The following RAPH1 variants were observed in gnomAD, a reference collection of about 807,000 sequenced individuals.
The protein encoded by RAPH1 is ras-associated and pleckstrin homology domains-containing protein 1.
In RAPH1, 18 loss-of-function variants were observed where a neutral mutation model predicts 88.1. The observed-to-expected ratio is 0.20, with a 90% CI of 0.14 to 0.30. The LOEUF (loss-of-function observed/expected upper bound fraction) is 0.30. Ranked by LOEUF, RAPH1 falls within the 10% of genes least tolerant of loss-of-function variation. The pLI is 1.00. For missense variants in RAPH1, 1,448 were observed against 1,543.2 expected (o/e 0.94, Z 1.03); for synonymous variants, 587 against 559.0 (o/e 1.05, Z -0.71).
At chr2:203,493,347 C>G (rs559674762) in intron 2 of RAPH1, among the ~76,000 whole-genome samples, 1 of 152,284 alleles carries the variant, frequency 6.6e-6, no homozygotes, top group East Asian at 1.9e-4. Flanking sequence ...GGACCAATAT[C>G]TACCTGCCTT....
At chr2:203,506,828 A>ATATCTATATATG (rs1183808367) in intron 1 of RAPH1, among the ~76,000 whole-genome samples, 2 of 20,832 alleles carry the variant, frequency 9.6e-5, no homozygotes, top group Admixed American at 6.6e-4. Context: ...ATCTATATAT[A>ATATCTATATATG]TATCTATATC....
chr2:203,434,809 T>G lies in RAPH1; in HGVS notation c.*4628A>C, dbSNP rs1012848328. 8 of 152,550 alleles carry G rather than the reference T, an allele frequency of 5.2e-5. No individual in the cohort carries two copies. The highest frequency in any genetic ancestry group is 1.3e-4 in the Admixed American group (2 of 15,280). The allele number at this position is 152,550 out of a possible 1,614,324, so 9.4% of individuals were successfully genotyped here. ...ACTTAACCATCTATAAAATATGTAGTGTTCACCATCACCCTGACTCAATTC... is the reference window on the plus strand; with the variant it reads ...ACTTAACCATCTATAAAATATGTAGGGTTCACCATCACCCTGACTCAATTC... On this transcript the variant is annotated 3_prime_UTR_variant, in exon 14 of 14. Transcript: ENST00000319170.
At position 203,481,937 on chromosome 2, in the gene RAPH1, G is replaced by A. The variant is rs185430260; in HGVS notation, c.732+7647C>T. On this transcript the variant is annotated intron_variant, in intron 4 of 13. Transcript: ENST00000319170. ...ATTTCTATTATTGTCTAAAAAAAAG[G>A]TCCTTCACCAGCCCTCCACAAACCC... is the stretch of plus-strand genomic sequence containing the variant. 8.1e-4 allele frequency among the ~76,000 whole-genome samples: 122 copies of A among 151,030 alleles called. 2 individuals carry two copies. The East Asian group carries it at 0.022, about 27-fold the overall frequency.
Position 203,440,112 on chromosome 2 carries a change from C to G in RAPH1, c.3078G>C (p.Lys1026Asn), listed in dbSNP as rs1452291659. 1 of 1,613,398 alleles carries G rather than the reference C, an allele frequency of 6.2e-7. No individual in the cohort carries two copies. The highest frequency in any genetic ancestry group is 1.1e-5 in the South Asian group (1 of 91,074). ...CTCCAGAAAGATTGAGTTTTCCAGG[C>G]TTGGGGGGTGCTGCAGGAGGTGGTA... ...ETLPPPAAPP[K>N]PGKLNLSGVN... is the part of the protein sequence containing the mutation. Residue 1026 changes from lysine (K) to asparagine (N), a missense_variant, in exon 14 of 14, where the codon AAG becomes AAC. Physicochemically the swap from Lys to Asn is moderately conservative, Grantham distance 94. Around this residue, in one of 2 missense-constraint regions of RAPH1, gnomAD observed 935 missense variants for 890.1 expected, o/e 1.05. Transcript: ENST00000319170.
At position 203,448,872 on chromosome 2, in the gene RAPH1, T is replaced by G; in HGVS notation, c.1414-36A>C. On this transcript the variant is annotated intron_variant, in intron 10 of 13. Coordinates refer to ENST00000319170, the MANE Select transcript of RAPH1 (RefSeq NM_213589.3). The surrounding 1 kb of genome is among the most constrained non-coding windows in gnomAD (Gnocchi z 4.1). ...AAAGACAAAATCCAACTAAGTCCCT[T>G]GGAGAACTAAAGAAAAACAAACTTT... The G allele has an allele frequency of 2.1e-6, 3 of 1,445,320 alleles. No homozygotes were observed. The highest frequency in any genetic ancestry group is 2.9e-6 in the Non-Finnish European group (3 of 1,041,428). 89.5% of individuals were successfully genotyped at this position (1,445,320 alleles called of 1,614,324 possible).
At chr2:203,532,061 G>C (rs377263269) in intron 1 of RAPH1, among the ~76,000 whole-genome samples, 1 of 152,192 alleles carries the variant, frequency 6.6e-6, no homozygotes, top group Non-Finnish European at 1.5e-5. Context: ...ATGGAATTAT[G>C]ATACATCCTA....
At chr2:203,512,516 C>G (rs1168676011) in intron 1 of RAPH1, among the ~76,000 whole-genome samples, 1 of 151,592 alleles carries the variant, frequency 6.6e-6, no homozygotes, top group African/African-American at 2.4e-5. Flanking sequence ...TAGAATTTAA[C>G]AGTCAAAAAT....
intron 1 of RAPH1, among the ~76,000 whole-genome samples, chr2:203,506,867 T>G (rs1211985693): frequency 0.012 from 491 of 40,860 alleles, 15 homozygotes; most frequent in Non-Finnish European, 0.021. Context: ...TATATATATA[T>G]ATATATATAT....
At chr2:203,453,854 C>T (rs533488617) in intron 10 of RAPH1, among the ~76,000 whole-genome samples, 2 of 151,794 alleles carry the variant, frequency 1.3e-5, no homozygotes, top group Non-Finnish European at 2.9e-5. Flanking sequence ...TTAAAATGTC[C>T]GTTCTTCTCA....
chr2:203,508,586 C>T (rs1023504074), intron 1 of RAPH1, among the ~76,000 whole-genome samples: 1 of 152,110 alleles, frequency 6.6e-6, no homozygotes, highest in Non-Finnish European at 1.5e-5. Flanking sequence ...GGTTTCACAT[C>T]ACCACAATGA....
intron 1 of RAPH1, among the ~76,000 whole-genome samples, chr2:203,521,561 A>G (rs530991143): frequency 5.3e-5 from 8 of 152,240 alleles, no homozygotes; most frequent in Admixed American, 1.3e-4. Context: ...AAAGTGTAAC[A>G]ATTGGCTACT....
At chr2:203,529,430 C>T (rs776111102) in intron 1 of RAPH1, among the ~76,000 whole-genome samples, 1 of 152,142 alleles carries the variant, frequency 6.6e-6, no homozygotes, top group Non-Finnish European at 1.5e-5. Context: ...GGCGCCATCT[C>T]GGCTCACCGC....
At position 203,440,399 on chromosome 2, in the gene RAPH1, G is replaced by A. The variant is rs1390415801; in HGVS notation, c.2791C>T (p.Pro931Ser). The A allele has an allele frequency of 1.3e-6, 2 of 1,568,822 alleles. No homozygotes were observed. Among genetic ancestry groups the A allele is most frequent in the East Asian group, 4.5e-5 (2 of 44,484 alleles). The stretch of plus-strand genomic sequence containing the variant: ...GGTGGGGCTGGGACAGGTGATGGGG[G>A]TGGAGGAGGAAACACCAGGCTGCTT... ...PESSLVFPPP[P>S]PSPVPAPPPP... The change falls in exon 14 of 14, where the codon CCC becomes TCC. Residue 931 changes from proline to serine, a missense_variant. Pro to Ser is a moderately conservative substitution (Grantham distance 74). This residue lies in a region of RAPH1 where 935 missense variants were observed against 890.1 expected (regional missense o/e 1.05). Transcript: ENST00000319170.
chr2:203,507,989 G>C (rs1689161692), intron 1 of RAPH1, among the ~76,000 whole-genome samples: 1 of 151,522 alleles, frequency 6.6e-6, no homozygotes, highest in South Asian at 2.1e-4. Context: ...GAGGCGGGCG[G>C]ATCACCAGGT....
chr2:203,512,367 A>C (rs574105799), intron 1 of RAPH1, among the ~76,000 whole-genome samples: 146 of 151,252 alleles, frequency 9.7e-4, no homozygotes, highest in Middle Eastern at 3.4e-3. Flanking sequence ...AAAAAAAAAA[A>C]AAAACCCAAA....
intron 13 of RAPH1, chr2:203,444,591 G>A (rs2098507714): frequency 2.4e-6 from 1 of 408,886 alleles, no homozygotes; most frequent in African/African-American, 2.1e-5. Flanking sequence ...TTAAAAATCT[G>A]AGCCACTGAT....
chr2:203,456,315 C>G (rs919274123), intron 8 of RAPH1, among the ~76,000 whole-genome samples: 1 of 152,094 alleles, frequency 6.6e-6, no homozygotes, highest in Non-Finnish European at 1.5e-5. Context: ...TATTTTTTCT[C>G]TACATTTAGA....
rs1220019381 is a variant in RAPH1, at chr2:203,457,541, CTTCT to C, written c.1143_1146del (p.Glu382SerfsTer12). 6.2e-7 allele frequency: 1 copy of C among 1,612,292 alleles called. No individual in the cohort carries two copies. Reference sequence around the variant, plus strand: ...GGGGGTTGTCATACCTCCAAGAGGACTTCTTTGTTTCTATCTGCCATCTCAGCTG... The same window carrying C: ...GGGGGTTGTCATACCTCCAAGAGGACTTGTTTCTATCTGCCATCTCAGCTG... On this transcript the variant is annotated frameshift_variant, in exon 8 of 14. Transcript: ENST00000319170. LOFTEE classifies it high-confidence loss of function.
chr2:203,493,664 T>C (rs1039487659), intron 2 of RAPH1, among the ~76,000 whole-genome samples: 2 of 152,110 alleles, frequency 1.3e-5, no homozygotes, highest in African/African-American at 4.8e-5. Context: ...TATGAAATCC[T>C]AGTAGGAGTT....
Sources: allele counts gnomAD v4.1 joint callset (sites outside exome capture counted in the v4.1 genomes callset), GRCh38; gene constraint gnomAD v4.1.1; regional missense constraint gnomAD v4.1.1; non-coding constraint Gnocchi (gnomAD v3.1); transcripts MANE v1.5; gene names NCBI Gene and HGNC (gene_info 2026-07-23, HGNC 2026-07-21).